The following WDR76 variants were observed in gnomAD, a reference collection of about 807,000 sequenced individuals.
WDR76 encodes the protein WD repeat-containing protein 76.
In WDR76, 52 loss-of-function variants were observed where a neutral mutation model predicts 70.2. That is an observed-to-expected ratio of 0.74 (90% CI 0.59 to 0.93). The LOEUF is 0.93. Among genes scored for constraint, WDR76 ranks in the 40% least tolerant of loss-of-function variants. The pLI, the probability that WDR76 is intolerant of heterozygous loss-of-function variation, is 0.00. For missense variants in WDR76, 756 were observed against 760.2 expected (o/e 0.99, Z 0.07); for synonymous variants, 292 against 271.1 (o/e 1.08, Z -0.76).
In WDR76 at chr15:43,835,118, G is replaced by A. The variant is rs768457904; in HGVS notation, c.520G>A (p.Ala174Thr). Residue 174 changes from alanine to threonine, a missense_variant, in exon 3 of 13, where the codon GCA (alanine) becomes ACA (threonine). Ala to Thr is a moderately conservative substitution (Grantham distance 58). Coordinates refer to ENST00000263795, the MANE Select transcript of WDR76 (RefSeq NM_024908.4). ...GAGACTGAAGAACATATCAGAAAAC[G>A]CAGACTTTTTTGCTTCTCTTCAGTT... ...RKRLKNISEN[A>T]DFFASLQLSE... is the part of the protein sequence containing the mutation. The A allele has an allele frequency of 3.7e-6, 6 of 1,613,926 alleles. No homozygotes were observed. The highest frequency in any genetic ancestry group is 1.3e-5 in the African/African-American group (1 of 74,920).
In WDR76 at chr15:43,860,378, A is replaced by C. The variant is rs1004404163; in HGVS notation, c.1563-955A>C. Among the ~76,000 whole-genome samples the C allele has an allele frequency of 2.6e-5, 4 of 152,220 alleles. No homozygotes were observed. The East Asian group carries it at 7.7e-4, about 29-fold the overall frequency. ...ACAGATGTACTTTTAGGTGATTTGT[A>C]CATTTTCAGGCCACATCCTTTATGT... On this transcript the variant is annotated intron_variant, in intron 11 of 12. Transcript: ENST00000263795.
rs1345693341 is a variant in WDR76, at chr15:43,842,635, G to A, written c.842G>A (p.Ser281Asn). 1.9e-6 allele frequency: 3 copies of A among 1,610,066 alleles called. No individual in the cohort carries two copies. The highest frequency in any genetic ancestry group is 2.7e-5 in the African/African-American group (2 of 74,790). Reference sequence around the variant, plus strand: ...TCTCTCCCAATGTTTCAGCCAAGTAGTAAGAACACTGAGAAGGGATTATCT... The same window carrying A: ...TCTCTCCCAATGTTTCAGCCAAGTAATAAGAACACTGAGAAGGGATTATCT... ...HTWAGMSKPS[S>N]KNTEKGLSSI... Residue 281 changes from serine (S) to asparagine (N), a missense_variant, in exon 7 of 13, where the codon AGT becomes AAT. By Grantham distance (46) the Ser-to-Asn change is conservative. Transcript: ENST00000263795.
intron 10 of WDR76, 129 bp downstream of exon 10, chr15:43,857,292 G>C: frequency 9.2e-7 from 1 of 1,092,038 alleles, no homozygotes; most frequent in Non-Finnish European, 1.2e-6. Context: ...CAAAGGCCAA[G>C]TAATTTTCCT....
chr15:43,835,265 G>C (rs1314903427), intron 3 of WDR76, 115 bp downstream of exon 3: 4 of 872,940 alleles, frequency 4.6e-6, no homozygotes, highest in Non-Finnish European at 7.3e-6. Context: ...CCAGGAGTTC[G>C]AGATCAGCCT....
chr15:43,846,371 A>T (rs1401825667), intron 8 of WDR76, among the ~76,000 whole-genome samples: 1 of 148,366 alleles, frequency 6.7e-6, no homozygotes, highest in Non-Finnish European at 1.5e-5. Flanking sequence ...CTGCAGCCTC[A>T]ACTTCCCACG....
intron 9 of WDR76, among the ~76,000 whole-genome samples, chr15:43,856,414 T>C (rs1156571828): frequency 1.3e-5 from 2 of 152,180 alleles, no homozygotes. Flanking sequence ...ACTTTGCATA[T>C]TAAAATATAA....
chr15:43,851,352 G>A (rs986008878), intron 9 of WDR76, 107 bp downstream of exon 9: 13 of 1,451,624 alleles, frequency 9.0e-6, no homozygotes, highest in Middle Eastern at 3.6e-4. Flanking sequence ...ATAGCAGAAG[G>A]ACTTTGAGAA....
intron 8 of WDR76, among the ~76,000 whole-genome samples, chr15:43,844,434 A>G (rs2087762185): frequency 6.6e-6 from 1 of 151,934 alleles, no homozygotes; most frequent in Admixed American, 6.6e-5. Context: ...CCTGGCCAAC[A>G]TGGTGAAACC....
At position 43,865,810 on chromosome 15, in the gene WDR76, A is replaced by C. The variant is rs957090776; in HGVS notation, c.1617-318A>C. ...AGTGGCAGTGGGAAATGTGTAGTCC[A>C]TACTTTAATGAAAAAGGATTGTTAG... On this transcript the variant is annotated intron_variant, in intron 12 of 12. Transcript: ENST00000263795. Among the ~76,000 whole-genome samples the C allele has an allele frequency of 6.6e-5, 10 of 152,246 alleles. No homozygotes were observed. The East Asian group carries it at 1.9e-3, about 29-fold the overall frequency.
intron 11 of WDR76, among the ~76,000 whole-genome samples, chr15:43,859,586 C>T (rs1473899393): frequency 6.6e-6 from 1 of 152,108 alleles, no homozygotes; most frequent in African/African-American, 2.4e-5. Flanking sequence ...ATGGGAAGAG[C>T]GTGGTCTGCA....
chr15:43,833,358 G>T (rs1160520002), intron 2 of WDR76, among the ~76,000 whole-genome samples: 2 of 135,464 alleles, frequency 1.5e-5, no homozygotes, highest in African/African-American at 5.6e-5. Flanking sequence ...TGGCTCTGTT[G>T]CCCAGAGTGG....
At chr15:43,851,527 G>C (rs529193531) in intron 9 of WDR76, among the ~76,000 whole-genome samples, 3 of 152,254 alleles carry the variant, frequency 2.0e-5, no homozygotes, top group African/African-American at 7.2e-5. Flanking sequence ...TGCAGATAAA[G>C]TACTTAGAAG....
At chr15:43,851,302 T>C (rs2087856924) in intron 9 of WDR76, 57 bp downstream of exon 9, 2 of 1,586,820 alleles carry the variant, frequency 1.3e-6, no homozygotes, top group Non-Finnish European at 1.7e-6. Flanking sequence ...TTCTTCGAAA[T>C]GCCACATGAA....
Position 43,836,212 on chromosome 15 carries a change from A to C in WDR76, c.604A>C (p.Lys202Gln). ...AGAGAAGAGACAGCCTCCTAAATCCAAAAGGTAAAATATCTAGTTTGCAAT... is the reference window on the plus strand; with the variant it reads ...AGAGAAGAGACAGCCTCCTAAATCCCAAAGGTAAAATATCTAGTTTGCAAT... ...MIEKRQPPKS[K>Q]RKKPKRENGI... The change falls in exon 4 of 13, where the codon AAA becomes CAA. Residue 202 changes from lysine to glutamine, a missense_variant. Transcript: ENST00000263795. 1 of 1,609,714 alleles carries C rather than the reference A, an allele frequency of 6.2e-7. No individual in the cohort carries two copies. Among genetic ancestry groups the C allele is most frequent in the Admixed American group, 1.7e-5 (1 of 59,368 alleles).
chr15:43,858,882 C>T (rs1209121597), intron 11 of WDR76, 59 bp downstream of exon 11: 4 of 1,562,824 alleles, frequency 2.6e-6, no homozygotes, highest in Non-Finnish European at 1.7e-6. Flanking sequence ...GCTACTGTGT[C>T]AGTAAACCAA....
At chr15:43,836,452 C>T (rs1596069182) in intron 4 of WDR76, among the ~76,000 whole-genome samples, 1 of 152,238 alleles carries the variant, frequency 6.6e-6, no homozygotes, top group South Asian at 2.1e-4. Flanking sequence ...TTTATTGTTG[C>T]TACTAATGAA....
intron 10 of WDR76, among the ~76,000 whole-genome samples, chr15:43,858,322 T>G (rs2087955821): frequency 6.6e-6 from 1 of 151,376 alleles, no homozygotes; most frequent in Admixed American, 6.6e-5. Flanking sequence ...TGGCGCGATC[T>G]CGGCTCACTG....
intron 8 of WDR76, among the ~76,000 whole-genome samples, chr15:43,850,770 T>C (rs2087848130): frequency 6.6e-6 from 1 of 152,182 alleles, no homozygotes; most frequent in East Asian, 1.9e-4. Flanking sequence ...AATTATACCA[T>C]GTGTGAAATA....
chr15:43,844,809 T>C (rs966815481), intron 8 of WDR76, among the ~76,000 whole-genome samples: 1 of 147,054 alleles, frequency 6.8e-6, no homozygotes, highest in Admixed American at 6.8e-5. Context: ...GTGCCTGTAG[T>C]CCCAGCTACT....
Sources: gnomAD v4.1 joint callset for allele counts (sites outside exome capture counted in the v4.1 genomes callset) on GRCh38, gnomAD v4.1.1 for gene constraint, MANE v1.5 for transcripts, NCBI Gene and HGNC (gene_info 2026-07-23, HGNC 2026-07-21) for gene names.